The following KCNT1 variants were observed in gnomAD, a reference collection of about 807,000 sequenced individuals.
KCNT1 encodes the protein potassium sodium-activated channel subfamily T member 1.
A neutral mutation model predicts 147.8 loss-of-function variants in KCNT1; 78 were observed. The observed-to-expected ratio is 0.53, with a 90% CI of 0.44 to 0.64. The LOEUF (loss-of-function observed/expected upper bound fraction) is 0.64. Among genes scored for constraint, KCNT1 ranks in the 30% least tolerant of loss-of-function variants. KCNT1 has a pLI of 0.00. For missense variants in KCNT1, 1,419 were observed against 1,750.3 expected (o/e 0.81, Z 3.38); for synonymous variants, 867 against 748.8 (o/e 1.16, Z -2.58).
intron 18 of KCNT1, 185 bp downstream of exon 18, chr9:135,771,280 GGGAGACCAGGTGGGACA>G (rs1266792619): frequency 1.6e-6 from 1 of 624,362 alleles, no homozygotes; most frequent in African/African-American, 1.8e-5. Flanking sequence ...CAGGCAGGGC[GGGAGACCAGGTGGGACA>G]GGAGACCAGA....
intron 24 of KCNT1, among the ~76,000 whole-genome samples, chr9:135,780,221 C>T (rs1432318863): frequency 6.6e-6 from 1 of 152,020 alleles, no homozygotes; most frequent in Admixed American, 6.5e-5. Flanking sequence ...CAGCCCTAGG[C>T]TGAGAGCAGG....
At chr9:135,772,565 T>C in intron 18 of KCNT1, 150 bp from the exon 19 acceptor site, 1 of 485,084 alleles carries the variant, frequency 2.1e-6, no homozygotes, top group Non-Finnish European at 3.5e-6. Context: ...AGGGGGAAAC[T>C]GAGGCATAGA....
rs1325343223 is a variant in KCNT1, at chr9:135,714,727, A to T, written c.254+7A>T. The T allele has an allele frequency of 7.3e-7, 1 of 1,377,854 alleles. No homozygotes were observed. Among genetic ancestry groups the T allele is most frequent in the South Asian group, 1.4e-5 (1 of 70,356 alleles). 85.4% of individuals were successfully genotyped at this position (1,377,854 alleles called of 1,614,324 possible). A position where few individuals can be genotyped will look rare whatever the true frequency, so the allele number is the denominator to read the frequency against. On this transcript the variant is annotated splice_region_variant and intron_variant, in intron 2 of 30. Transcript: ENST00000371757. This position sits in a 1 kb window ranked among gnomAD's most constrained non-coding sequence, Gnocchi z 6.2. Reference sequence around the variant, plus strand: ...CCTTCCAGAACGACGACAGGTAGGGACCGGGCGCGGGGTGGGGGCTGGGGT... The same window carrying T: ...CCTTCCAGAACGACGACAGGTAGGGTCCGGGCGCGGGGTGGGGGCTGGGGT...
Position 135,777,491 on chromosome 9 carries a change from G to C in KCNT1, c.2503G>C (p.Val835Leu). Reference protein sequence around the residue: ...YRSRKELNPIVLLLDNKPDHH... With the variant: ...YRSRKELNPILLLLDNKPDHH... ...ATCCCGCAAGGAGCTGAACCCCATC[G>C]TGCTGCTGCTGGACAACAAGTGAGG... The change falls in exon 21 of 31, where the codon GTG becomes CTG. Residue 835 changes from valine (V) to leucine (L), a missense_variant. Transcript: ENST00000371757. 1.9e-6 allele frequency: 3 copies of C among 1,613,670 alleles called. No homozygotes were observed. Among genetic ancestry groups the C allele is most frequent in the East Asian group, 2.2e-5 (1 of 44,878 alleles).
At chr9:135,705,944 C>T (rs1185882066) in intron 1 of KCNT1, among the ~76,000 whole-genome samples, 1 of 151,982 alleles carries the variant, frequency 6.6e-6, no homozygotes, top group Non-Finnish European at 1.5e-5. Flanking sequence ...CTCACTGGAG[C>T]AGAGGTGGGG....
At chr9:135,786,671 G>A (rs1834078724) in intron 29 of KCNT1, 150 bp downstream of exon 29, 2 of 792,524 alleles carry the variant, frequency 2.5e-6, no homozygotes, top group Non-Finnish European at 3.8e-6. Context: ...GCCACCCTCT[G>A]CCTGCCTCTA....
intron 1 of KCNT1, chr9:135,703,059 C>T (rs1161650989): frequency 6.6e-6 from 1 of 152,454 alleles, no homozygotes; most frequent in Non-Finnish European, 1.5e-5. Context: ...GAGGCACGGA[C>T]CGGCAGCTGA....
In KCNT1 at chr9:135,777,510, A is replaced by G; in HGVS notation, c.2522A>G (p.Lys841Arg). The G allele has an allele frequency of 6.2e-7, 1 of 1,613,026 alleles. No homozygotes were observed. Among genetic ancestry groups the G allele is most frequent in the Non-Finnish European group, 8.5e-7 (1 of 1,179,746 alleles). ...LNPIVLLLDNKPDHHFLEAIC... is the reference protein window; with the variant it reads ...LNPIVLLLDNRPDHHFLEAIC... ...CCCATCGTGCTGCTGCTGGACAACA[A>G]GTGAGGCTCCTGGGGCTCAGCCCAC... The change falls in exon 21 of 31, where the codon AAG (lysine) becomes AGG (arginine). Residue 841 changes from lysine (K) to arginine (R), a missense_variant and splice_region_variant. By Grantham distance (26) the Lys-to-Arg change is conservative. Coordinates refer to ENST00000371757, the MANE Select transcript of KCNT1 (RefSeq NM_020822.3).
chr9:135,790,005 C>A (rs1438459693), intron 29 of KCNT1: 1 of 152,426 alleles, frequency 6.6e-6, no homozygotes, highest in Non-Finnish European at 1.5e-5. Context: ...GCCCCCTAGC[C>A]CAGCCCCAAG....
At chr9:135,723,362 G>T (rs1032091246) in intron 2 of KCNT1, among the ~76,000 whole-genome samples, 1 of 152,216 alleles carries the variant, frequency 6.6e-6, no homozygotes, top group South Asian at 2.1e-4. Flanking sequence ...AGGAGATATC[G>T]TCCATCTTGG....
chr9:135,779,258 A>G (rs1316302553), intron 23 of KCNT1, 101 bp from the exon 24 acceptor site: 20 of 351,306 alleles, frequency 5.7e-5, no homozygotes, highest in East Asian at 3.3e-4. Context: ...CAGCCATGGG[A>G]CCCCGCCCTG....
rs144658404 is a variant in KCNT1, at chr9:135,792,053, C to A, written c.3600C>A (p.Arg1200=). ...LEPSDIVYLI[R]SDPLAHVASS... ...TGCCCTCCCGCAGCTATCTCATCCG[C>A]TCCGACCCCCTGGCTCACGTGGCCA... Residue 1200 remains arginine (R), a synonymous_variant, in exon 31 of 31, where the codon CGC becomes CGA. Coordinates refer to ENST00000371757, the MANE Select transcript of KCNT1 (RefSeq NM_020822.3). 1.2e-6 allele frequency: 2 copies of A among 1,604,154 alleles called. No homozygotes were observed. The highest frequency in any genetic ancestry group is 1.7e-6 in the Non-Finnish European group (2 of 1,179,738).
chr9:135,751,655 G>A (rs893952107), intron 4 of KCNT1, among the ~76,000 whole-genome samples: 8 of 152,174 alleles, frequency 5.3e-5, no homozygotes, highest in East Asian at 1.9e-4. Context: ...GAGAAGTGGC[G>A]GCTGCTGGGA....
intron 2 of KCNT1, among the ~76,000 whole-genome samples, chr9:135,749,272 G>T (rs1455202533): frequency 2.6e-5 from 4 of 152,206 alleles, no homozygotes; most frequent in African/African-American, 4.8e-5. Context: ...GGTCATGCAG[G>T]TGGCCACGGT....
chr9:135,791,486 T>C (rs530174980), intron 29 of KCNT1: 100 of 401,706 alleles, frequency 2.5e-4, no homozygotes, highest in African/African-American at 2.0e-3. Flanking sequence ...CGCTGGTGTG[T>C]GCAGGTGTGC....
intron 1 of KCNT1, among the ~76,000 whole-genome samples, chr9:135,713,926 C>T (rs543067576): frequency 1.3e-5 from 2 of 152,360 alleles, no homozygotes; most frequent in African/African-American, 4.8e-5. Flanking sequence ...TTTGATCCCT[C>T]ACCTGGTGAC....
rs951246549 is a variant in KCNT1 at position 135,730,520 on chromosome 9, G to T, written c.254+15800G>T. On this transcript the variant is annotated intron_variant, in intron 2 of 30. Transcript: ENST00000371757. The surrounding 1 kb of genome is among the most constrained non-coding windows in gnomAD (Gnocchi z 4.7). ...TCAGAGTCGCTGGAGAAGGAGATGA[G>T]CAGGGGAAGCAAGGACTGGAGCGAT... 1.3e-5 allele frequency among the ~76,000 whole-genome samples: 2 copies of T among 152,182 alleles called. No homozygotes were observed. Among genetic ancestry groups the T allele is most frequent in the Admixed American group, 6.5e-5 (1 of 15,286 alleles).
Position 135,792,179 on chromosome 9 carries a change from C to T in KCNT1, c.*18C>T. 1.9e-6 allele frequency: 3 copies of T among 1,599,834 alleles called. No homozygotes were observed. The highest frequency in any genetic ancestry group is 2.5e-6 in the Non-Finnish European group (3 of 1,176,946). ...AGCTCTGAGCCAGCCCTGCACGGAG[C>T]TCAGGCCACCAAGCCCGGGGTCCTC... On this transcript the variant is annotated 3_prime_UTR_variant, in exon 31 of 31. Transcript: ENST00000371757.
intron 2 of KCNT1, among the ~76,000 whole-genome samples, chr9:135,717,039 C>A (rs1835746381): frequency 6.7e-6 from 1 of 149,778 alleles, no homozygotes. Flanking sequence ...GACCTGGCCC[C>A]TGTGGTGTTG....
Sources: gnomAD v4.1 joint callset for allele counts (sites outside exome capture counted in the v4.1 genomes callset) on GRCh38, gnomAD v4.1.1 for gene constraint, Gnocchi (gnomAD v3.1) non-coding constraint, MANE v1.5 for transcripts, NCBI Gene and HGNC (gene_info 2026-07-23, HGNC 2026-07-21) for gene names.